Variants in CPNE7 observed in about 807,000 individuals in gnomAD.
CPNE7 encodes the protein copine 7, also known as copine-7.
A neutral mutation model predicts 66.5 loss-of-function variants in CPNE7; 78 were observed. The observed-to-expected ratio is 1.17, with a 90% CI of 0.98 to 1.42. The LOEUF (loss-of-function observed/expected upper bound fraction) is 1.42. Among genes scored for constraint, CPNE7 ranks in the 40% most tolerant of loss-of-function variants. The probability of loss-of-function intolerance (pLI) is 0.00; values close to 1 mark genes in which losing one functional copy is unlikely to be tolerated. For missense variants in CPNE7, 1,012 were observed against 776.6 expected, an observed-to-expected ratio of 1.30 and a Z score of -3.60; for synonymous variants, 468 against 336.7, an observed-to-expected ratio of 1.39 and a Z score of -4.27.
chr16:89,585,653 A>G, intron 6 of CPNE7, 34 bp from the exon 7 acceptor site: 2 of 1,554,100 alleles, frequency 1.3e-6, no homozygotes, highest in Non-Finnish European at 8.7e-7. Flanking sequence ...TGGGGCCCCC[A>G]GACAGCAGTG....
At chr16:89,587,238 G>A (rs1382865195) in intron 9 of CPNE7, 136 bp downstream of exon 9, 2 of 221,478 alleles carry the variant, frequency 9.0e-6, no homozygotes, top group East Asian at 6.7e-5. Flanking sequence ...TCAGTCCGTG[G>A]CCCCGCCCCT....
At chr16:89,576,918 C>T (rs1427544265) in intron 1 of CPNE7, among the ~76,000 whole-genome samples, 2 of 152,156 alleles carry the variant, frequency 1.3e-5, no homozygotes, top group East Asian at 3.9e-4. Flanking sequence ...CCCGTGCCCG[C>T]CCCTCACAGC....
intron 2 of CPNE7, chr16:89,583,333 C>A (rs982598766): frequency 1.9e-5 from 20 of 1,047,636 alleles, no homozygotes; most frequent in Non-Finnish European, 2.7e-5. Context: ...GTCAGGGCAG[C>A]CCTGCTTACC....
chr16:89,579,360 G>C (rs2058911152), intron 2 of CPNE7, among the ~76,000 whole-genome samples: 1 of 152,082 alleles, frequency 6.6e-6, no homozygotes, highest in Non-Finnish European at 1.5e-5. Flanking sequence ...TTAGGTGACT[G>C]TACACAGCTG....
chr16:89,587,744 G>GC (rs112303328), intron 9 of CPNE7: 6,419 of 90,536 alleles, frequency 0.071, 604 homozygotes, highest in East Asian at 0.3. Flanking sequence ...CAGATACACG[G>GC]CCCCCGTGTC....
intron 1 of CPNE7, 34 bp downstream of exon 1, chr16:89,576,105 C>T (rs555065710): frequency 4.4e-5 from 54 of 1,239,110 alleles, no homozygotes; most frequent in Admixed American, 1.7e-4. Context: ...GAGAGGCCAC[C>T]GGGCCGGGGC....
In CPNE7 at chr16:89,577,738, C is replaced by A; in HGVS notation, c.357+17C>A. The A allele has an allele frequency of 6.4e-7, 1 of 1,572,940 alleles. No individual in the cohort carries two copies. Among genetic ancestry groups the A allele is most frequent in the South Asian group, 1.2e-5 (1 of 85,884 alleles). ...CTGGGGCAGGTGGGTGCCCCGTCCC[C>A]TCGGAGGGAGGAGGACGGTTGGCGT... On this transcript the variant is annotated intron_variant, in intron 2 of 14. Coordinates refer to ENST00000319518, the MANE Select transcript of CPNE7 (RefSeq NM_153636.3).
At chr16:89,579,950 A>T (rs2058924357) in intron 2 of CPNE7, among the ~76,000 whole-genome samples, 1 of 53,416 alleles carries the variant, frequency 1.9e-5, no homozygotes, top group African/African-American at 4.9e-5. Context: ...CTCACCCGTC[A>T]CATGGAACAT....
chr16:89,591,295 T>C, intron 13 of CPNE7, 35 bp downstream of exon 13: 1 of 1,524,460 alleles, frequency 6.6e-7, no homozygotes, highest in South Asian at 1.3e-5. Flanking sequence ...ATGCTTGGTG[T>C]GGGGTCGGCT....
chr16:89,596,389 T>C, intron 14 of CPNE7, 95 bp from the exon 15 acceptor site: 1 of 1,494,620 alleles, frequency 6.7e-7, no homozygotes, highest in South Asian at 1.3e-5. Flanking sequence ...ACCACTCGGC[T>C]CTGGAGGATG....
chr16:89,583,857 T>G, intron 3 of CPNE7, 86 bp downstream of exon 3: 1 of 1,523,306 alleles, frequency 6.6e-7, no homozygotes, highest in Non-Finnish European at 9.0e-7. Context: ...GGCAGCAGCG[T>G]GCCGTCCAGG....
intron 10 of CPNE7, among the ~76,000 whole-genome samples, 156 bp downstream of exon 10, chr16:89,588,964 TC>T (rs1235673070): frequency 6.6e-6 from 1 of 152,064 alleles, no homozygotes; most frequent in African/African-American, 2.4e-5. Flanking sequence ...AGGTCAGGCC[TC>T]GGGGCACCAT....
chr16:89,591,153 C>G lies in CPNE7; in HGVS notation c.1195C>G (p.Gln399Glu). ...CATCCAGGGCGTGGTGGAGGCCTAC[C>G]AGAACTGCCTGCCCAGGGTCCAGCT... ...EGIQGVVEAYQNCLPRVQLYG... is the reference protein window; with the variant it reads ...EGIQGVVEAYENCLPRVQLYG... Residue 399 changes from glutamine to glutamate, a missense_variant, in exon 13 of 15, where the codon CAG (glutamine) becomes GAG (glutamate). Transcript: ENST00000319518. The G allele has an allele frequency of 6.2e-7, 1 of 1,609,950 alleles. No homozygotes were observed. Among genetic ancestry groups the G allele is most frequent in the Middle Eastern group, 1.7e-4 (1 of 6,056 alleles).
chr16:89,576,208 G>C (rs1469723153), intron 1 of CPNE7, 137 bp downstream of exon 1: 16 of 654,560 alleles, frequency 2.4e-5, no homozygotes, highest in Non-Finnish European at 3.5e-5. Flanking sequence ...CTCAGCTCGG[G>C]GTCAGGGTTG....
intron 13 of CPNE7, among the ~76,000 whole-genome samples, chr16:89,591,699 C>T (rs1400585526): frequency 6.6e-6 from 1 of 152,066 alleles, no homozygotes; most frequent in African/African-American, 2.4e-5. Context: ...GCTTTCTTTT[C>T]TTTTCTTTTG....
At chr16:89,590,502 C>T (rs1009645757) in intron 11 of CPNE7, among the ~76,000 whole-genome samples, 2 of 151,876 alleles carry the variant, frequency 1.3e-5, no homozygotes, top group African/African-American at 2.4e-5. Context: ...TCCAGCCTGG[C>T]CTGTAGAGCA....
At chr16:89,589,065 G>A (rs558377563) in intron 10 of CPNE7, among the ~76,000 whole-genome samples, 5 of 152,324 alleles carry the variant, frequency 3.3e-5, no homozygotes, top group African/African-American at 1.2e-4. Flanking sequence ...GCCGAGGCGG[G>A]TGGATCACCT....
Position 89,588,746 on chromosome 16 carries a change from C to A in CPNE7, c.999C>A (p.Tyr333Ter). 6.2e-7 allele frequency: 1 copy of A among 1,613,748 alleles called. No individual in the cohort carries two copies. The highest frequency in any genetic ancestry group is 8.5e-7 in the Non-Finnish European group (1 of 1,179,978). Residue 333 changes from tyrosine (Y) to a stop codon, truncating the protein, a stop_gained, in exon 10 of 15, where the codon TAC becomes TAA. Transcript: ENST00000319518. LOFTEE classifies it high-confidence loss of function. ...NSCSLHYINP[Y>*]QPNEYLKALV... ...GCTCCCTGCACTACATCAACCCCTACCAGCCGAACGAGTACCTGAAGGCAC... is the reference window on the plus strand; with the variant it reads ...GCTCCCTGCACTACATCAACCCCTAACAGCCGAACGAGTACCTGAAGGCAC...
chr16:89,582,022 GCA>G (rs1369245627), intron 2 of CPNE7, among the ~76,000 whole-genome samples: 1 of 152,226 alleles, frequency 6.6e-6, no homozygotes, highest in Admixed American at 6.5e-5. Context: ...GTTCACATAA[GCA>G]CACACACAGG....
Sources: gnomAD v4.1 joint callset for allele counts (sites outside exome capture counted in the v4.1 genomes callset) on GRCh38, gnomAD v4.1.1 for gene constraint, MANE v1.5 for transcripts, NCBI Gene and HGNC (gene_info 2026-07-23, HGNC 2026-07-21) for gene names.